The following PALLD variants were observed in gnomAD, a reference collection of about 807,000 sequenced individuals.
PALLD encodes palladin.
Under a neutral mutation model 123.5 loss-of-function variants are expected in PALLD, and 61 were observed. The observed-to-expected ratio is 0.49, with a 90% CI of 0.40 to 0.61. The LOEUF (loss-of-function observed/expected upper bound fraction) is 0.61. Among genes scored for constraint, PALLD ranks in the 20% least tolerant of loss-of-function variants. The pLI, the probability that PALLD is intolerant of heterozygous loss-of-function variation, is 0.00. For missense variants in PALLD, 1,273 were observed against 1,377.0 expected (o/e 0.92, Z 1.20); for synonymous variants, 465 against 496.4 (o/e 0.94, Z 0.84).
intron 3 of PALLD, among the ~76,000 whole-genome samples, chr4:168,679,429 A>ATATGG (rs1781298428): frequency 2.2e-5 from 1 of 46,064 alleles, no homozygotes; most frequent in African/African-American, 9.9e-5. Flanking sequence ...TAGGGTATGG[A>ATATGG]TGTGTGGGGT....
intron 8 of PALLD, among the ~76,000 whole-genome samples, chr4:168,707,000 C>T: frequency 6.6e-6 from 1 of 152,200 alleles, no homozygotes; most frequent in African/African-American, 2.4e-5. Flanking sequence ...TACTTTTGCA[C>T]TTATTAATTT....
At chr4:168,716,519 G>T (rs1469223792) in intron 10 of PALLD, among the ~76,000 whole-genome samples, 1 of 152,074 alleles carries the variant, frequency 6.6e-6, no homozygotes, top group African/African-American at 2.4e-5. Context: ...ACGATTTCAG[G>T]CTGAATCAAC....
chr4:168,709,609 AG>A lies in PALLD; in HGVS notation c.1621+465del, dbSNP rs376432508. On this transcript the variant is annotated intron_variant, in intron 9 of 21. Coordinates refer to ENST00000505667, the MANE Select transcript of PALLD (RefSeq NM_001166108.2). ...AAGGAAGGGAGGGAGGGAGGGAGGGAGGGAAGGAAGGAAGGAAGGAAGGAAG... is the reference window on the plus strand; with the variant it reads ...AAGGAAGGGAGGGAGGGAGGGAGGGAGGAAGGAAGGAAGGAAGGAAGGAAG... Among the ~76,000 whole-genome samples the A allele has an allele frequency of 9.4e-3, 11 of 1,176 alleles. 5 individuals carry two copies. The highest frequency in any genetic ancestry group is 0.027 in the African/African-American group (11 of 408). The allele number at this position is 1,176 out of a possible 152,430, so 0.8% of individuals were successfully genotyped here.
chr4:168,643,536 G>A (rs1777155939), intron 2 of PALLD, among the ~76,000 whole-genome samples: 1 of 152,008 alleles, frequency 6.6e-6, no homozygotes, highest in African/African-American at 2.4e-5. Flanking sequence ...ATTAATCAAG[G>A]CACCCAACAC....
chr4:168,607,589 T>C (rs1773312897), intron 2 of PALLD, among the ~76,000 whole-genome samples: 2 of 152,212 alleles, frequency 1.3e-5, no homozygotes, highest in South Asian at 4.1e-4. Flanking sequence ...ACCTGTGTTA[T>C]TGGCACTTTT....
At chr4:168,799,339 G>C (rs2150668809) in intron 10 of PALLD, among the ~76,000 whole-genome samples, 1 of 152,302 alleles carries the variant, frequency 6.6e-6, no homozygotes, top group East Asian at 1.9e-4. Context: ...TGTTTTAACA[G>C]ACGTAGAAGA....
At chr4:168,917,132 T>C (rs1350410657) in intron 17 of PALLD, among the ~76,000 whole-genome samples, 1 of 150,948 alleles carries the variant, frequency 6.6e-6, no homozygotes, top group Non-Finnish European at 1.5e-5. Flanking sequence ...CACTGCAGCT[T>C]CCACCTCCCA....
Position 168,504,027 on chromosome 4 carries a change from C to T in PALLD, c.-83+6833C>T, listed in dbSNP as rs1372938055. 3.3e-5 allele frequency among the ~76,000 whole-genome samples: 5 copies of T among 152,320 alleles called. No individual in the cohort carries two copies. In the East Asian group the frequency reaches 9.6e-4, roughly 29 times the overall value. ...TTTAATAGAAATTATCACGCTCCTCCTTGTAACTGAGTTATTTTTTACTCT... is the reference window on the plus strand; with the variant it reads ...TTTAATAGAAATTATCACGCTCCTCTTTGTAACTGAGTTATTTTTTACTCT... On this transcript the variant is annotated intron_variant, in intron 1 of 21. Transcript: ENST00000505667.
chr4:168,693,959 A>G (rs1190090819), intron 8 of PALLD, among the ~76,000 whole-genome samples: 1 of 152,266 alleles, frequency 6.6e-6, no homozygotes, highest in African/African-American at 2.4e-5. Context: ...ACTTCAGAAC[A>G]AGCAAATGTT....
At chr4:168,848,923 T>A (rs145038703) in intron 10 of PALLD, among the ~76,000 whole-genome samples, 4 of 152,208 alleles carry the variant, frequency 2.6e-5, no homozygotes, top group Admixed American at 2.6e-4. Context: ...ACAAATGAAC[T>A]TTCCCTAAAA....
chr4:168,674,960 A>G (rs1414358893), intron 3 of PALLD, among the ~76,000 whole-genome samples: 1 of 152,184 alleles, frequency 6.6e-6, no homozygotes, highest in African/African-American at 2.4e-5. Context: ...TGGGGAAAGG[A>G]AATGGAATCT....
At chr4:168,871,220 A>G (rs943348821) in intron 10 of PALLD, among the ~76,000 whole-genome samples, 1 of 152,234 alleles carries the variant, frequency 6.6e-6, no homozygotes, top group East Asian at 1.9e-4. Flanking sequence ...AAGGGATGGC[A>G]CCAGCCATTG....
chr4:168,633,892 A>G (rs1474159733), intron 2 of PALLD, among the ~76,000 whole-genome samples: 1 of 152,230 alleles, frequency 6.6e-6, no homozygotes, highest in Non-Finnish European at 1.5e-5. Context: ...AGGGACATCC[A>G]ATACATTTAC....
intron 10 of PALLD, among the ~76,000 whole-genome samples, chr4:168,859,685 C>T (rs965933120): frequency 3.3e-5 from 5 of 152,078 alleles, no homozygotes; most frequent in African/African-American, 1.2e-4. Context: ...GAGCATCTGG[C>T]GAACCTCTAG....
rs1762712324 is a variant in PALLD, at chr4:168,927,514, G to A, written c.*1334G>A. On this transcript the variant is annotated 3_prime_UTR_variant, in exon 22 of 22. Coordinates refer to ENST00000505667, the MANE Select transcript of PALLD (RefSeq NM_001166108.2). Reference sequence around the variant, plus strand: ...ATTGAGACTGCATGGTGGCATAAATGAGAAATTGCCTGTAGCATCTAGTCT... The same window carrying A: ...ATTGAGACTGCATGGTGGCATAAATAAGAAATTGCCTGTAGCATCTAGTCT... 1 of 231,906 alleles carries A rather than the reference G, an allele frequency of 4.3e-6. No homozygotes were observed. Among genetic ancestry groups the A allele is most frequent in the South Asian group, 1.8e-4 (1 of 5,516 alleles). 14.4% of individuals were successfully genotyped at this position (231,906 alleles called of 1,614,324 possible).
intron 10 of PALLD, among the ~76,000 whole-genome samples, chr4:168,845,609 T>C (rs1471451464): frequency 6.6e-6 from 1 of 152,182 alleles, no homozygotes; most frequent in East Asian, 1.9e-4. Flanking sequence ...TATCAGGGAC[T>C]TGAGCATGTG....
chr4:168,886,074 A>G (rs1753291006), intron 10 of PALLD, among the ~76,000 whole-genome samples: 1 of 152,248 alleles, frequency 6.6e-6, no homozygotes, highest in Admixed American at 6.5e-5. Context: ...CAGTTCTTCA[A>G]TATAATAATT....
intron 10 of PALLD, among the ~76,000 whole-genome samples, chr4:168,760,955 T>C (rs971044952): frequency 1.1e-4 from 17 of 152,134 alleles, no homozygotes; most frequent in African/African-American, 3.9e-4. Context: ...TACAGGGAAA[T>C]AGGAAGTACC....
In PALLD at chr4:168,711,582, C is replaced by A; in HGVS notation, c.1623C>A (p.Ala541=). The A allele has an allele frequency of 6.2e-7, 1 of 1,610,942 alleles. No homozygotes were observed. The highest frequency in any genetic ancestry group is 8.5e-7 in the Non-Finnish European group (1 of 1,177,118). The change falls in exon 10 of 22, where the codon GCC becomes GCA. Residue 541 remains alanine, a splice_region_variant and synonymous_variant. Coordinates refer to ENST00000505667, the MANE Select transcript of PALLD (RefSeq NM_001166108.2). ...TTTCCTCTCTTTCCCCTTCCTTAGC[C>A]AACACTGAAAACTGTAGTTACGAGT... is the stretch of plus-strand genomic sequence containing the variant. The part of the protein sequence containing the change: ...TSTAQLVVTS[A]NTENCSYESM...
Sources: allele counts gnomAD v4.1 joint callset (sites outside exome capture counted in the v4.1 genomes callset), GRCh38; gene constraint gnomAD v4.1.1; transcripts MANE v1.5; gene names NCBI Gene and HGNC (gene_info 2026-07-23, HGNC 2026-07-21).